Variants in DAB1 observed in about 807,000 individuals in gnomAD.
DAB1 encodes DAB adaptor protein 1, also known as disabled homolog 1.
A neutral mutation model predicts 64.6 loss-of-function variants in DAB1; 15 were observed. The observed-to-expected ratio is 0.23, with a 90% CI of 0.16 to 0.36. DAB1 has a LOEUF of 0.36. Ranked by LOEUF, DAB1 falls within the 10% of genes least tolerant of loss-of-function variation. The pLI, the probability that DAB1 is intolerant of heterozygous loss-of-function variation, is 1.00. For synonymous variants in DAB1, 235 were observed against 251.9 expected (o/e 0.93, Z 0.64); for missense variants, 596 against 706.7 (o/e 0.84, Z 1.78).
intron 3 of DAB1, among the ~76,000 whole-genome samples, chr1:58,390,037 GC>G: frequency 6.6e-6 from 1 of 152,228 alleles, no homozygotes; most frequent in East Asian, 1.9e-4. Flanking sequence ...TTCCCTGAGG[GC>G]CTTAGCAGGG....
intron 2 of DAB1, among the ~76,000 whole-genome samples, chr1:57,153,847 G>A (rs934246654): frequency 1.8e-4 from 28 of 151,996 alleles, no homozygotes; most frequent in Non-Finnish European, 1.2e-4. Flanking sequence ...CACCGTGTTA[G>A]CCAGGATGGT....
At chr1:58,028,934 C>T (rs578136041) in intron 5 of DAB1, among the ~76,000 whole-genome samples, 2 of 152,240 alleles carry the variant, frequency 1.3e-5, no homozygotes, top group East Asian at 1.9e-4. Context: ...CACAGTACCC[C>T]CTCCATGTCT....
At chr1:57,296,707 TGACA>T (rs1673223184) in intron 1 of DAB1, among the ~76,000 whole-genome samples, 1 of 152,262 alleles carries the variant, frequency 6.6e-6, no homozygotes, top group Admixed American at 6.5e-5. Context: ...TCTATACTGA[TGACA>T]GACAGACAAA....
At chr1:58,408,014 C>G (rs1644633112) in intron 3 of DAB1, among the ~76,000 whole-genome samples, 1 of 152,174 alleles carries the variant, frequency 6.6e-6, no homozygotes, top group Non-Finnish European at 1.5e-5. Flanking sequence ...CTCTGTTTCT[C>G]TAACATGGTG....
At chr1:57,844,773 T>C (rs1653206941) in intron 1 of DAB1, among the ~76,000 whole-genome samples, 1 of 152,146 alleles carries the variant, frequency 6.6e-6, no homozygotes, top group Non-Finnish European at 1.5e-5. Flanking sequence ...ACTCCCTTCC[T>C]GACTTAGTGC....
intron 9 of DAB1, among the ~76,000 whole-genome samples, chr1:57,046,501 C>T (rs1007280741): frequency 2.6e-5 from 4 of 152,210 alleles, no homozygotes; most frequent in South Asian, 4.1e-4. Flanking sequence ...AAGAAAGAAC[C>T]TCAACATGAT....
chr1:57,544,686 G>T (rs1212173658), intron 7 of DAB1, among the ~76,000 whole-genome samples: 2 of 152,154 alleles, frequency 1.3e-5, no homozygotes, highest in Admixed American at 6.5e-5. Context: ...GGGACCCAGT[G>T]GGGGGTAATA....
chr1:57,749,867 A>G lies in DAB1; in HGVS notation n.552-100202T>C, dbSNP rs1053633995. On this transcript the variant is annotated intron_variant and non_coding_transcript_variant, in intron 6 of 20. Transcript: ENST00000485760. ...GCCTCTGCATTCTGCTCAGTTGACC[A>G]GCAGAGCTTTTCAATTTTGCAAATG... 2.0e-5 allele frequency among the ~76,000 whole-genome samples: 3 copies of G among 152,350 alleles called. No individual in the cohort carries two copies. In the South Asian group the frequency reaches 6.2e-4, roughly 32 times the overall value.
At chr1:57,087,717 A>C (rs1653235065) in intron 4 of DAB1, among the ~76,000 whole-genome samples, 1 of 152,206 alleles carries the variant, frequency 6.6e-6, no homozygotes, top group Non-Finnish European at 1.5e-5. Flanking sequence ...AAGGGTTTCC[A>C]TCTCCAGTTG....
chr1:57,314,547 T>G (rs1043150207), intron 1 of DAB1, among the ~76,000 whole-genome samples: 11 of 152,068 alleles, frequency 7.2e-5, no homozygotes, highest in Non-Finnish European at 1.6e-4. Flanking sequence ...GCTCAGAGGA[T>G]CTAATGAATG....
At chr1:57,552,495 T>A (rs566716015) in intron 7 of DAB1, among the ~76,000 whole-genome samples, 2 of 152,262 alleles carry the variant, frequency 1.3e-5, no homozygotes, top group South Asian at 4.1e-4. Flanking sequence ...ATTTGTGAAG[T>A]CTGGGTATAG....
intron 2 of DAB1, among the ~76,000 whole-genome samples, chr1:57,181,684 C>T (rs1410194987): frequency 1.3e-5 from 2 of 152,060 alleles, no homozygotes; most frequent in Admixed American, 1.3e-4. Context: ...TGCATTGCTG[C>T]CTAAAATTAA....
At chr1:57,770,455 A>T (rs1649508664) in intron 6 of DAB1, among the ~76,000 whole-genome samples, 1 of 151,892 alleles carries the variant, frequency 6.6e-6, no homozygotes, top group Admixed American at 6.6e-5. Context: ...TTTTGTAGGG[A>T]TGTGGTCTTG....
intron 3 of DAB1, among the ~76,000 whole-genome samples, chr1:58,505,056 G>A (rs530420559): frequency 3.9e-4 from 59 of 152,082 alleles, no homozygotes; most frequent in African/African-American, 1.3e-3. Context: ...GGGTTCAAGC[G>A]ATTCCCCTGC....
chr1:57,694,879 AT>A (rs1490107495), intron 6 of DAB1, among the ~76,000 whole-genome samples: 1 of 152,092 alleles, frequency 6.6e-6, no homozygotes, highest in Non-Finnish European at 1.5e-5. Context: ...GTTCTTAAAT[AT>A]TTCAGTATGT....
At chr1:57,772,849 T>C (rs1446924959) in intron 6 of DAB1, among the ~76,000 whole-genome samples, 3 of 152,060 alleles carry the variant, frequency 2.0e-5, no homozygotes, top group African/African-American at 7.2e-5. Flanking sequence ...GGAAATAGCA[T>C]TTTTACAGAT....
intron 9 of DAB1, among the ~76,000 whole-genome samples, chr1:57,039,400 G>T (rs1570568952): frequency 6.6e-6 from 1 of 152,174 alleles, no homozygotes; most frequent in Non-Finnish European, 1.5e-5. Flanking sequence ...TTATTTGCTT[G>T]GTAGGTGAGG....
At chr1:57,639,031 T>G (rs1324563691) in intron 7 of DAB1, among the ~76,000 whole-genome samples, 4 of 20,728 alleles carry the variant, frequency 1.9e-4, no homozygotes, top group Non-Finnish European at 2.6e-4. Context: ...CTTTAGTAAA[T>G]AACTTTATAA....
At chr1:58,375,451 G>T (rs1569701412) in intron 3 of DAB1, among the ~76,000 whole-genome samples, 1 of 135,624 alleles carries the variant, frequency 7.4e-6, no homozygotes, top group Admixed American at 7.4e-5. Context: ...TGTGGTTTTT[G>T]TCTTTGGTTC....
Sources: allele counts gnomAD v4.1 joint callset (sites outside exome capture counted in the v4.1 genomes callset), GRCh38; gene constraint gnomAD v4.1.1; transcripts MANE v1.5; gene names NCBI Gene and HGNC (gene_info 2026-07-23, HGNC 2026-07-21).